HSD17B11: variants seen among roughly 807,000 people sequenced by gnomAD.
HSD17B11 encodes hydroxysteroid 17-beta dehydrogenase 11.
A neutral mutation model predicts 27.8 loss-of-function variants in HSD17B11; 22 were observed. The ratio of observed to expected loss-of-function variants is 0.79; its 90% CI spans 0.56 to 1.13. The LOEUF is 1.13. Ranked by LOEUF, HSD17B11 falls within the 50% of genes most tolerant of loss-of-function variation. The pLI is 0.00. For missense variants in HSD17B11, 314 were observed against 351.1 expected, an observed-to-expected ratio of 0.89 and a Z score of 0.84; for synonymous variants, 117 against 132.8, an observed-to-expected ratio of 0.88 and a Z score of 0.82.
intron 4 of HSD17B11, among the ~76,000 whole-genome samples, chr4:87,359,998 G>A (rs1178559393): frequency 6.6e-6 from 1 of 152,006 alleles, no homozygotes; most frequent in Admixed American, 6.6e-5. Context: ...GGGCATTCAT[G>A]GAAAAATCAT....
intron 4 of HSD17B11, among the ~76,000 whole-genome samples, chr4:87,358,268 A>G (rs1735431233): frequency 6.6e-6 from 1 of 151,988 alleles, no homozygotes; most frequent in South Asian, 2.1e-4. Context: ...GCTGAGATTA[A>G]ATTTTTTAAA....
Position 87,358,110 on chromosome 4 carries a change from C to T in HSD17B11, c.558-694G>A, listed in dbSNP as rs181257691. 1.8e-3 allele frequency among the ~76,000 whole-genome samples: 268 copies of T among 151,790 alleles called. 1 individual carries two copies. The highest frequency in any genetic ancestry group is 6.1e-3 in the African/African-American group (252 of 41,376). ...CGCAGTAGCTGGGACTACAGGCGCCCGCCACCATGCTCGGCTAATTTTTTG... is the reference window on the plus strand; with the variant it reads ...CGCAGTAGCTGGGACTACAGGCGCCTGCCACCATGCTCGGCTAATTTTTTG... On this transcript the variant is annotated intron_variant, in intron 4 of 6. Transcript: ENST00000358290.
At chr4:87,361,734 T>C (rs1007195563) in intron 4 of HSD17B11, among the ~76,000 whole-genome samples, 12 of 152,282 alleles carry the variant, frequency 7.9e-5, no homozygotes, top group African/African-American at 2.9e-4. Flanking sequence ...GCCGCTGCAC[T>C]CCATCATGGG....
intron 2 of HSD17B11, among the ~76,000 whole-genome samples, chr4:87,377,794 C>G (rs531529713): frequency 7.2e-5 from 11 of 152,140 alleles, no homozygotes; most frequent in Non-Finnish European, 1.2e-4. Flanking sequence ...AGAGATAGTG[C>G]TACAGTGTGT....
chr4:87,357,948 A>ATTTTTTTTT (rs748955521), intron 4 of HSD17B11, among the ~76,000 whole-genome samples: 1,038 of 97,178 alleles, frequency 0.011, 57 homozygotes, highest in South Asian at 0.012. Context: ...TCATTAGAGA[A>ATTTTTTTTT]ATTTTTTTTT....
rs540208061 is a variant in HSD17B11 at position 87,361,560 on chromosome 4, G to C, written c.558-4144C>G. Among the ~76,000 whole-genome samples the C allele has an allele frequency of 8.9e-4, 136 of 152,226 alleles. 2 individuals carry two copies. The South Asian group carries it at 0.027, about 30-fold the overall frequency. On this transcript the variant is annotated intron_variant, in intron 4 of 6. Transcript: ENST00000358290. The stretch of plus-strand genomic sequence containing the variant: ...AGGCGGGCGGATCACGAGGTCAGGA[G>C]ATCGAGACCATCCTGGCTAACACAG...
chr4:87,390,392 G>A (rs1720427249), intron 1 of HSD17B11, among the ~76,000 whole-genome samples: 1 of 152,122 alleles, frequency 6.6e-6, no homozygotes, highest in South Asian at 2.1e-4. Flanking sequence ...TCCTGACCTC[G>A]CGATCCGCCT....
At chr4:87,371,167 G>T (rs1161990443) in intron 4 of HSD17B11, among the ~76,000 whole-genome samples, 1 of 152,118 alleles carries the variant, frequency 6.6e-6, no homozygotes, top group Non-Finnish European at 1.5e-5. Flanking sequence ...CATTATAAAT[G>T]ACATTATGTC....
At chr4:87,353,413 G>A (rs905582467) in intron 5 of HSD17B11, among the ~76,000 whole-genome samples, 1 of 152,142 alleles carries the variant, frequency 6.6e-6, no homozygotes, top group Non-Finnish European at 1.5e-5. Flanking sequence ...GGTATTTAAC[G>A]AGGAACATGT....
At chr4:87,365,577 G>T (rs1171035763) in intron 4 of HSD17B11, among the ~76,000 whole-genome samples, 4 of 152,130 alleles carry the variant, frequency 2.6e-5, no homozygotes, top group Non-Finnish European at 4.4e-5. Context: ...CTTCTGCCTG[G>T]TGTGTCCTAG....
chr4:87,391,073 CT>C lies in HSD17B11; in HGVS notation c.-4del. 2 of 1,602,556 alleles carry C rather than the reference CT, an allele frequency of 1.2e-6. No individual in the cohort carries two copies. The highest frequency in any genetic ancestry group is 1.1e-5 in the South Asian group (1 of 89,196). On this transcript the variant is annotated 5_prime_UTR_variant, in exon 1 of 7. Coordinates refer to ENST00000358290, the MANE Select transcript of HSD17B11 (RefSeq NM_016245.5). Reference sequence around the variant, plus strand: ...AGGATGTCCAGAAGAAATTTCATCCCTTTTGTGGCTGCGAGCGTTTGGTGTG... The same window carrying C: ...AGGATGTCCAGAAGAAATTTCATCCCTTTGTGGCTGCGAGCGTTTGGTGTG...
intron 4 of HSD17B11, among the ~76,000 whole-genome samples, chr4:87,361,547 C>T (rs894351112): frequency 1.3e-5 from 2 of 152,058 alleles, no homozygotes; most frequent in African/African-American, 4.8e-5. Flanking sequence ...GCGGGCGGAT[C>T]ACGAGGTCAG....
chr4:87,353,086 C>T (rs1172295656), intron 5 of HSD17B11, among the ~76,000 whole-genome samples: 3 of 103,946 alleles, frequency 2.9e-5, no homozygotes, highest in Admixed American at 1.8e-4. Context: ...TCTTCTGCGT[C>T]GCTCACGCTG....
At chr4:87,368,536 G>C (rs1381391359) in intron 4 of HSD17B11, among the ~76,000 whole-genome samples, 1 of 152,088 alleles carries the variant, frequency 6.6e-6, no homozygotes, top group Non-Finnish European at 1.5e-5. Flanking sequence ...AAGGGAAGGG[G>C]GAAATGTCAA....
At position 87,382,204 on chromosome 4, in the gene HSD17B11, A is replaced by C. The variant is rs779485995; in HGVS notation, c.318+51T>G. The C allele has an allele frequency of 1.7e-5, 24 of 1,375,650 alleles. No individual in the cohort carries two copies. The South Asian group carries it at 2.6e-4, about 15-fold the overall frequency. 85.2% of individuals were successfully genotyped at this position (1,375,650 alleles called of 1,614,324 possible). A position where few individuals can be genotyped will look rare whatever the true frequency, so the allele number is the denominator to read the frequency against. ...ATGTACAGACTGGGTCATCTCCAAA[A>C]CACCTCCTAGCTCTAACATGATATG... On this transcript the variant is annotated intron_variant, in intron 2 of 6. Transcript: ENST00000358290.
At chr4:87,344,976 T>C (rs374698354) in intron 5 of HSD17B11, among the ~76,000 whole-genome samples, 4 of 152,270 alleles carry the variant, frequency 2.6e-5, no homozygotes, top group African/African-American at 9.6e-5. Context: ...TCAAGATTTA[T>C]GGGATGAGGT....
At chr4:87,384,240 T>C (rs868462380) in intron 1 of HSD17B11, among the ~76,000 whole-genome samples, 1 of 152,252 alleles carries the variant, frequency 6.6e-6, no homozygotes, top group South Asian at 2.1e-4. Context: ...CTTATGCCTG[T>C]AATCTCTTAA....
chr4:87,372,656 C>G, intron 4 of HSD17B11, 53 bp downstream of exon 4: 1 of 1,087,378 alleles, frequency 9.2e-7, no homozygotes, highest in Non-Finnish European at 1.4e-6. Context: ...GGTAAGAAAT[C>G]TCACACACAA....
chr4:87,362,457 C>T (rs1735535228), intron 4 of HSD17B11, among the ~76,000 whole-genome samples: 1 of 152,190 alleles, frequency 6.6e-6, no homozygotes. Flanking sequence ...ACCCGGGAGG[C>T]CGAGGTTGCA....
Sources: allele counts gnomAD v4.1 joint callset (sites outside exome capture counted in the v4.1 genomes callset), GRCh38; gene constraint gnomAD v4.1.1; transcripts MANE v1.5; gene names NCBI Gene and HGNC (gene_info 2026-07-23, HGNC 2026-07-21).